The following PIP5K1B variants were observed in gnomAD, a reference collection of about 807,000 sequenced individuals.
The protein encoded by PIP5K1B is phosphatidylinositol 4-phosphate 5-kinase type-1 beta.
PIP5K1B carries 42 observed loss-of-function variants against 67.0 expected under a neutral mutation model. The observed-to-expected ratio is 0.63, with a 90% CI of 0.49 to 0.81. The LOEUF is 0.81. Ranked by LOEUF, PIP5K1B falls within the 30% of genes least tolerant of loss-of-function variation. PIP5K1B has a pLI of 0.00. For missense variants in PIP5K1B, 459 were observed against 646.3 expected (o/e 0.71, Z 3.14); for synonymous variants, 214 against 231.4 (o/e 0.92, Z 0.68).
intron 14 of PIP5K1B, among the ~76,000 whole-genome samples, chr9:68,989,094 C>CAAAAAAA (rs71353097): frequency 8.9e-5 from 5 of 55,992 alleles, no homozygotes; most frequent in African/African-American, 2.4e-4. Context: ...GACTCCGTCT[C>CAAAAAAA]AAAAAAAAAA....
intron 15 of PIP5K1B, among the ~76,000 whole-genome samples, chr9:69,007,470 CACCACCCTATAAAGTAGAGTTTGTT>C: frequency 6.6e-6 from 1 of 152,278 alleles, no homozygotes; most frequent in Non-Finnish European, 1.5e-5. Flanking sequence ...TATCCCTCAC[CACCACCCTATAAAGTAGAGTTTGTT>C]ACCTCCACTT....
intron 4 of PIP5K1B, among the ~76,000 whole-genome samples, chr9:68,847,410 G>GTTTT (rs3221891): frequency 1.9e-4 from 15 of 78,514 alleles, no homozygotes; most frequent in Non-Finnish European, 2.1e-4. Flanking sequence ...AACAGCAGTG[G>GTTTT]TTTTGTGTGT....
intron 14 of PIP5K1B, chr9:68,966,879 GA>G (rs534171990): frequency 9.2e-5 from 14 of 152,178 alleles, no homozygotes; most frequent in Non-Finnish European, 1.9e-4. Flanking sequence ...GGCTTTACTT[GA>G]AATGATGGGA....
intron 2 of PIP5K1B, among the ~76,000 whole-genome samples, chr9:68,749,819 A>T (rs761298308): frequency 7.9e-5 from 12 of 152,098 alleles, no homozygotes; most frequent in Admixed American, 1.3e-4. Flanking sequence ...CCCCCTAGTT[A>T]CAACAACCAC....
chr9:69,006,025 A>G (rs983309185), intron 15 of PIP5K1B, among the ~76,000 whole-genome samples: 3 of 152,098 alleles, frequency 2.0e-5, no homozygotes, highest in African/African-American at 7.2e-5. Flanking sequence ...GACCACAGGC[A>G]CATGCCACCA....
Position 68,802,366 on chromosome 9 carries a change from G to A in PIP5K1B, c.-85-16095G>A, listed in dbSNP as rs192166780. 2.0e-4 allele frequency among the ~76,000 whole-genome samples: 31 copies of A among 152,292 alleles called. No homozygotes were observed. The East Asian group carries it at 5.0e-3, about 25-fold the overall frequency. On this transcript the variant is annotated intron_variant, in intron 2 of 15. Transcript: ENST00000265382. The stretch of plus-strand genomic sequence containing the variant: ...GCTTATCTAAGAACAACAGAAATAC[G>A]CATATATGCATTAAACTTTCCATTT...
intron 15 of PIP5K1B, among the ~76,000 whole-genome samples, chr9:69,005,368 AAATTTACAGC>A (rs1240572967): frequency 6.6e-6 from 1 of 152,136 alleles, no homozygotes; most frequent in Non-Finnish European, 1.5e-5. Context: ...TCAGTGGTAT[AAATTTACAGC>A]AATTTATTTT....
chr9:68,860,422 G>C (rs995068026), intron 4 of PIP5K1B, among the ~76,000 whole-genome samples: 1 of 152,136 alleles, frequency 6.6e-6, no homozygotes, highest in African/African-American at 2.4e-5. Flanking sequence ...TGACATTAAC[G>C]ATGGTGTTTG....
intron 2 of PIP5K1B, among the ~76,000 whole-genome samples, chr9:68,808,554 G>A (rs999839570): frequency 5.3e-5 from 8 of 152,190 alleles, no homozygotes; most frequent in Non-Finnish European, 8.8e-5. Context: ...CAACACATCC[G>A]TCATGGCTGT....
chr9:68,868,376 CTT>C (rs966114843), intron 5 of PIP5K1B, among the ~76,000 whole-genome samples: 1 of 152,136 alleles, frequency 6.6e-6, no homozygotes, highest in African/African-American at 2.4e-5. Flanking sequence ...AGTAAATTGA[CTT>C]ATATAACATA....
intron 8 of PIP5K1B, among the ~76,000 whole-genome samples, chr9:68,914,748 A>C (rs1480658299): frequency 6.6e-6 from 1 of 152,028 alleles, no homozygotes; most frequent in Non-Finnish European, 1.5e-5. Flanking sequence ...TAAATAAATA[A>C]AAAGAAAAAG....
At chr9:68,921,596 C>T (rs1344718543) in intron 11 of PIP5K1B, among the ~76,000 whole-genome samples, 1 of 152,054 alleles carries the variant, frequency 6.6e-6, no homozygotes. Context: ...TATTTAAAAC[C>T]CAACACTTTG....
chr9:68,945,365 C>G (rs147403727), intron 14 of PIP5K1B, among the ~76,000 whole-genome samples: 37 of 152,150 alleles, frequency 2.4e-4, no homozygotes, highest in African/African-American at 8.7e-4. Context: ...AGGCTGGTCT[C>G]GAACTCCTGA....
chr9:68,905,942 T>C (rs537738120), intron 8 of PIP5K1B, among the ~76,000 whole-genome samples: 3 of 152,308 alleles, frequency 2.0e-5, no homozygotes, highest in South Asian at 2.1e-4. Context: ...CCACACTCTT[T>C]ACATGCCCTT....
intron 4 of PIP5K1B, among the ~76,000 whole-genome samples, chr9:68,863,280 G>GC (rs1823193927): frequency 6.6e-6 from 1 of 152,098 alleles, no homozygotes; most frequent in South Asian, 2.1e-4. Flanking sequence ...ACTACATTAG[G>GC]CAGTGCAAGG....
intron 2 of PIP5K1B, among the ~76,000 whole-genome samples, chr9:68,814,836 A>G (rs1000270343): frequency 6.6e-6 from 1 of 152,128 alleles, no homozygotes; most frequent in Non-Finnish European, 1.5e-5. Flanking sequence ...ATTAATAATA[A>G]TAATTATTTC....
intron 2 of PIP5K1B, among the ~76,000 whole-genome samples, chr9:68,800,066 T>C (rs1832516961): frequency 6.6e-6 from 1 of 152,054 alleles, no homozygotes; most frequent in South Asian, 2.1e-4. Context: ...GATTGAAAAA[T>C]AGGCAAAGGA....
intron 1 of PIP5K1B, among the ~76,000 whole-genome samples, chr9:68,720,322 A>G (rs1481256571): frequency 1.3e-5 from 2 of 152,012 alleles, no homozygotes; most frequent in East Asian, 1.9e-4. Context: ...TGCTTTTTGC[A>G]CCTTTAAAAG....
intron 2 of PIP5K1B, among the ~76,000 whole-genome samples, chr9:68,744,627 G>C (rs1829189050): frequency 6.6e-6 from 1 of 152,198 alleles, no homozygotes; most frequent in Non-Finnish European, 1.5e-5. Flanking sequence ...CTGGACTGGG[G>C]TGAGGGGCTG....
Sources: allele counts gnomAD v4.1 joint callset (sites outside exome capture counted in the v4.1 genomes callset), GRCh38; gene constraint gnomAD v4.1.1; transcripts MANE v1.5; gene names NCBI Gene and HGNC (gene_info 2026-07-23, HGNC 2026-07-21).